Variants in EVI5 observed in about 807,000 individuals in gnomAD.
EVI5 encodes the protein ecotropic viral integration site 5.
A neutral mutation model predicts 112.0 loss-of-function variants in EVI5; 73 were observed. The ratio of observed to expected loss-of-function variants is 0.65; its 90% CI spans 0.54 to 0.79. The LOEUF is 0.79. Ranked by LOEUF, EVI5 falls within the 30% of genes least tolerant of loss-of-function variation. EVI5 has a pLI of 0.00. For missense variants in EVI5, 900 were observed against 968.8 expected, an observed-to-expected ratio of 0.93 and a Z score of 0.94; for synonymous variants, 305 against 319.9, an observed-to-expected ratio of 0.95 and a Z score of 0.50.
chr1:92,618,699 AG>A (rs1028499957), intron 16 of EVI5, among the ~76,000 whole-genome samples: 5 of 152,228 alleles, frequency 3.3e-5, no homozygotes, highest in African/African-American at 1.2e-4. Flanking sequence ...CTGAAGGCAA[AG>A]GGAATACAGA....
In EVI5 at chr1:92,510,430, T is replaced by G. The variant is rs1659120149; in HGVS notation, c.*3226A>C. ...AAGAGACTTCATCATATAAAATGGCTGGCATGTTTTCCCTTTTGAATAGTT... is the reference window on the plus strand; with the variant it reads ...AAGAGACTTCATCATATAAAATGGCGGGCATGTTTTCCCTTTTGAATAGTT... On this transcript the variant is annotated 3_prime_UTR_variant, in exon 20 of 20. Transcript: ENST00000684568. The G allele has an allele frequency of 6.6e-6, 1 of 152,244 alleles. No homozygotes were observed. The highest frequency in any genetic ancestry group is 6.5e-5 in the Admixed American group (1 of 15,280). 9.4% of individuals were successfully genotyped at this position (152,244 alleles called of 1,614,324 possible). A position where few individuals can be genotyped will look rare whatever the true frequency, so the allele number is the denominator to read the frequency against.
intron 1 of EVI5, among the ~76,000 whole-genome samples, chr1:92,765,920 T>A (rs531123209): frequency 1.1e-3 from 163 of 151,654 alleles, no homozygotes; most frequent in African/African-American, 3.6e-3. Context: ...CACAAAAAAA[T>A]CTTTTAAAAA....
chr1:92,648,446 A>G (rs1164408553), intron 13 of EVI5, among the ~76,000 whole-genome samples: 1 of 152,086 alleles, frequency 6.6e-6, no homozygotes, highest in Admixed American at 6.5e-5. Context: ...TAGTATATTA[A>G]GAATGTTGTA....
chr1:92,607,482 T>C (rs1650676551), intron 17 of EVI5, 99 bp downstream of exon 17: 3 of 861,534 alleles, frequency 3.5e-6, no homozygotes, highest in Non-Finnish European at 3.3e-6. Flanking sequence ...GACGAGCTTT[T>C]TTGTTTTGTT....
chr1:92,517,318 G>A (rs1660077974), intron 19 of EVI5, among the ~76,000 whole-genome samples: 3 of 152,182 alleles, frequency 2.0e-5, no homozygotes, highest in Admixed American at 2.0e-4. Context: ...GAGGATGTCT[G>A]TAGGTTATAT....
At chr1:92,612,460 G>C (rs1652060718) in intron 16 of EVI5, among the ~76,000 whole-genome samples, 1 of 152,122 alleles carries the variant, frequency 6.6e-6, no homozygotes, top group Non-Finnish European at 1.5e-5. Context: ...TGTAATCCCA[G>C]TACTTTGGGA....
intron 1 of EVI5, among the ~76,000 whole-genome samples, chr1:92,739,220 C>T (rs1677947065): frequency 7.9e-6 from 1 of 126,248 alleles, no homozygotes; most frequent in South Asian, 2.6e-4. Context: ...TTGCAATGCA[C>T]CAAGATCACG....
At chr1:92,522,608 G>A (rs1181165002) in intron 19 of EVI5, among the ~76,000 whole-genome samples, 1 of 108,488 alleles carries the variant, frequency 9.2e-6, no homozygotes, top group African/African-American at 3.7e-5. Context: ...TCCAGCCTGG[G>A]TGACAGAGCA....
chr1:92,619,750 C>T (rs1557915681), intron 16 of EVI5, among the ~76,000 whole-genome samples: 3 of 148,788 alleles, frequency 2.0e-5, no homozygotes, highest in Admixed American at 2.0e-4. Flanking sequence ...GACCTTTTCT[C>T]TTTGAAAAAA....
chr1:92,545,535 G>C (rs1243955282), intron 19 of EVI5, among the ~76,000 whole-genome samples: 3 of 151,934 alleles, frequency 2.0e-5, no homozygotes, highest in South Asian at 2.1e-4. Context: ...TGATGTATTG[G>C]GTAGCTTCGT....
chr1:92,741,038 T>A (rs1292762926), intron 1 of EVI5, among the ~76,000 whole-genome samples: 1 of 152,200 alleles, frequency 6.6e-6, no homozygotes, highest in Non-Finnish European at 1.5e-5. Flanking sequence ...GGGGAATATA[T>A]CCGCAAACAC....
At chr1:92,571,696 A>C (rs1224387409) in intron 18 of EVI5, among the ~76,000 whole-genome samples, 2 of 152,208 alleles carry the variant, frequency 1.3e-5, no homozygotes, top group Non-Finnish European at 2.9e-5. Flanking sequence ...TAATGTTTAC[A>C]ATTTTTTCCT....
chr1:92,711,612 A>G (rs906963937), intron 2 of EVI5, among the ~76,000 whole-genome samples: 2 of 152,130 alleles, frequency 1.3e-5, no homozygotes, highest in African/African-American at 4.8e-5. Flanking sequence ...CCATGATCAC[A>G]CGACTGCACT....
intron 1 of EVI5, among the ~76,000 whole-genome samples, chr1:92,776,855 T>C (rs1380040058): frequency 6.6e-6 from 1 of 150,482 alleles, no homozygotes; most frequent in Non-Finnish European, 1.5e-5. Flanking sequence ...CAGGCTGGAG[T>C]GCAGTGGCAA....
chr1:92,736,739 G>A (rs1357367787), intron 1 of EVI5, 112 bp from the exon 2 acceptor site: 1 of 779,712 alleles, frequency 1.3e-6, no homozygotes, highest in African/African-American at 1.7e-5. Flanking sequence ...TATTCTCTTT[G>A]AGGAAGTAAA....
chr1:92,771,572 C>G (rs938821720), intron 1 of EVI5, among the ~76,000 whole-genome samples: 2 of 151,680 alleles, frequency 1.3e-5, no homozygotes, highest in Admixed American at 1.3e-4. Flanking sequence ...ACCTCCCTAC[C>G]AATTCCTTGG....
intron 19 of EVI5, among the ~76,000 whole-genome samples, chr1:92,520,908 GA>G (rs1214587421): frequency 1.3e-5 from 2 of 151,312 alleles, no homozygotes; most frequent in African/African-American, 4.8e-5. Flanking sequence ...AAGCAAGTAT[GA>G]GATTGCTTCT....
At chr1:92,568,489 C>T (rs1291733122) in intron 18 of EVI5, among the ~76,000 whole-genome samples, 1 of 152,118 alleles carries the variant, frequency 6.6e-6, no homozygotes, top group Non-Finnish European at 1.5e-5. Flanking sequence ...GAGCCCTTCT[C>T]ATTTGAGATT....
chr1:92,748,923 G>A (rs1360741969), intron 1 of EVI5, among the ~76,000 whole-genome samples: 6 of 152,068 alleles, frequency 3.9e-5, no homozygotes, highest in African/African-American at 1.4e-4. Context: ...AAAATTAGCT[G>A]GGCGTGGTGG....
Sources: allele counts gnomAD v4.1 joint callset (sites outside exome capture counted in the v4.1 genomes callset), GRCh38; gene constraint gnomAD v4.1.1; transcripts MANE v1.5; gene names NCBI Gene and HGNC (gene_info 2026-07-23, HGNC 2026-07-21).